The following DNAH17 variants were observed in gnomAD, a reference collection of about 807,000 sequenced individuals.
DNAH17 encodes axonemal beta dynein heavy chain 17.
A neutral mutation model predicts 485.6 loss-of-function variants in DNAH17; 376 were observed. The ratio of observed to expected loss-of-function variants is 0.77; its 90% confidence interval spans 0.71 to 0.84. The LOEUF (loss-of-function observed/expected upper bound fraction) is 0.84, where lower values mean the gene tolerates loss of function less well. Ranked by LOEUF, DNAH17 falls within the 40% of genes least tolerant of loss-of-function variation. The pLI is 0.00. For synonymous variants in DNAH17, 3,031 were observed against 2,405.9 expected, an observed-to-expected ratio of 1.26 and a Z score of -7.60; for missense variants, 6,370 against 5,839.3, an observed-to-expected ratio of 1.09 and a Z score of -2.96.
intron 18 of DNAH17, among the ~76,000 whole-genome samples, 198 bp downstream of exon 18, chr17:78,539,539 T>TC (rs1456713408): frequency 6.6e-6 from 1 of 152,168 alleles, no homozygotes; most frequent in African/African-American, 2.4e-5. Context: ...TGACCAGTGG[T>TC]CCTGAGTGCC....
At chr17:78,522,573 C>T (rs1045695266) in intron 25 of DNAH17, 7 of 286,194 alleles carry the variant, frequency 2.4e-5, no homozygotes, top group Non-Finnish European at 4.8e-5. Flanking sequence ...TGAAGCCCAA[C>T]GCAGGCAGCC....
At chr17:78,465,078 T>C (rs1192322811) in intron 56 of DNAH17, among the ~76,000 whole-genome samples, 1 of 152,202 alleles carries the variant, frequency 6.6e-6, no homozygotes, top group African/African-American at 2.4e-5. Flanking sequence ...GTGCCTGCGA[T>C]TGCAGGCTCG....
In DNAH17 at chr17:78,486,281, C is replaced by G. The variant is rs373745776; in HGVS notation, c.7044G>C (p.Glu2348Asp). 9.9e-6 allele frequency: 16 copies of G among 1,609,428 alleles called. No homozygotes were observed. The African/African-American group carries it at 2.0e-4, about 20-fold the overall frequency. The change falls in exon 45 of 81, where the codon GAG becomes GAC. Residue 2348 changes from glutamate to aspartate, a missense_variant. Coordinates refer to ENST00000389840, the MANE Select transcript of DNAH17 (RefSeq NM_173628.4). ...VPPDSPRELY[E>D]LYFVFTCFWA... ...AGAAGCAGGTGAACACGAAGTACAG[C>G]TCGTACAGCTCCCTGGGGGAGTCGG...
In DNAH17 at chr17:78,569,163, T is replaced by C; in HGVS notation, c.1284+3A>G. The C allele has an allele frequency of 1.3e-6, 2 of 1,595,118 alleles. No individual in the cohort carries two copies. The highest frequency in any genetic ancestry group is 1.7e-6 in the Non-Finnish European group (2 of 1,170,378). ...GTCAAGATGCACCGAGTTCTGTTTT[T>C]ACCTCAATGGTCTGGATGCGCTGGA... is the stretch of plus-strand genomic sequence containing the variant. On this transcript the variant is annotated splice_donor_region_variant and intron_variant, in intron 9 of 80. Coordinates refer to ENST00000389840, the MANE Select transcript of DNAH17 (RefSeq NM_173628.4).
At chr17:78,440,338 C>G (rs1052077210) in intron 72 of DNAH17, among the ~76,000 whole-genome samples, 4 of 134,744 alleles carry the variant, frequency 3.0e-5, no homozygotes, top group African/African-American at 1.1e-4. Flanking sequence ...CTCACTACAG[C>G]TTCAACCTTT....
intron 54 of DNAH17, among the ~76,000 whole-genome samples, chr17:78,472,996 G>C (rs1235691776): frequency 6.6e-6 from 1 of 152,144 alleles, no homozygotes; most frequent in African/African-American, 2.4e-5. Context: ...GTCCTCCAGG[G>C]TCCACCCTCC....
chr17:78,454,898 A>C lies in DNAH17; in HGVS notation c.10171-193T>G, dbSNP rs112160898. On this transcript the variant is annotated intron_variant, in intron 63 of 80. Coordinates refer to ENST00000389840, the MANE Select transcript of DNAH17 (RefSeq NM_173628.4). ...ACTCGGCCAGAAACGATGTCAGCAC[A>C]GCAACACCGGGCCACGTTTTTTTTT... Among the ~76,000 whole-genome samples, 682 of 151,200 alleles carry C rather than the reference A, an allele frequency of 4.5e-3. 2 individuals are homozygous for C. The highest frequency in any genetic ancestry group is 8.0e-3 in the Non-Finnish European group (545 of 67,862).
At chr17:78,498,416 G>A (rs2090153319) in intron 37 of DNAH17, among the ~76,000 whole-genome samples, 1 of 152,166 alleles carries the variant, frequency 6.6e-6, no homozygotes, top group African/African-American at 2.4e-5. Flanking sequence ...CATGCGTCAG[G>A]ATCACCTGAG....
chr17:78,453,814 A>G (rs1598474875), intron 64 of DNAH17, among the ~76,000 whole-genome samples: 1 of 152,108 alleles, frequency 6.6e-6, no homozygotes, highest in East Asian at 1.9e-4. Flanking sequence ...CAGCCTCCTG[A>G]GTAGCTGGGA....
intron 16 of DNAH17, among the ~76,000 whole-genome samples, chr17:78,545,812 A>G (rs1172569287): frequency 6.6e-6 from 1 of 152,098 alleles, no homozygotes; most frequent in Non-Finnish European, 1.5e-5. Flanking sequence ...TGGGAACACA[A>G]CATTTTAGGA....
rs187391776 is a variant in DNAH17 at position 78,445,139 on chromosome 17, G to A, written c.11335-342C>T. The stretch of plus-strand genomic sequence containing the variant: ...TTTTGAACAGACCTTGAGACTCGAG[G>A]GTCCCTGACTGTGTCCAGGAATCTG... On this transcript the variant is annotated intron_variant, in intron 70 of 80. Coordinates refer to ENST00000389840, the MANE Select transcript of DNAH17 (RefSeq NM_173628.4). Among the ~76,000 whole-genome samples, 10 of 150,024 alleles carry A rather than the reference G, an allele frequency of 6.7e-5. No homozygotes were observed. In the East Asian group the frequency reaches 1.8e-3, roughly 26 times the overall value.
chr17:78,491,716 C>G (rs2089866490), intron 42 of DNAH17, 146 bp from the exon 43 acceptor site: 2 of 1,323,682 alleles, frequency 1.5e-6, no homozygotes, highest in Non-Finnish European at 2.0e-6. Flanking sequence ...ATGAGGTGCC[C>G]AGGCTCCCTG....
chr17:78,475,430 T>G lies in DNAH17; in HGVS notation c.8359A>C (p.Asn2787His). Residue 2787 changes from asparagine to histidine, a missense_variant, in exon 54 of 81, where the codon AAT becomes CAT. By Grantham distance (68) the Asn-to-His change is moderately conservative. Coordinates refer to ENST00000389840, the MANE Select transcript of DNAH17 (RefSeq NM_173628.4). The part of the protein sequence containing the change: ...EDAVAHICRI[N>H]RILESPRGNA... Reference sequence around the variant, plus strand: ...CCCCGGGGAGACTCCAGGATGCGATTAATCCTGCAGATGTGAGCCACGGCG... The same window carrying G: ...CCCCGGGGAGACTCCAGGATGCGATGAATCCTGCAGATGTGAGCCACGGCG... 6.2e-7 allele frequency: 1 copy of G among 1,613,908 alleles called. No individual in the cohort carries two copies. Among genetic ancestry groups the G allele is most frequent in the Non-Finnish European group, 8.5e-7 (1 of 1,179,888 alleles).
intron 43 of DNAH17, 45 bp from the exon 44 acceptor site, chr17:78,490,892 C>T (rs777163419): frequency 6.5e-5 from 100 of 1,536,586 alleles, no homozygotes; most frequent in Non-Finnish European, 8.2e-5. Context: ...GCGACACCTG[C>T]CATCCCAATG....
chr17:78,566,584 G>A, intron 11 of DNAH17, 30 bp downstream of exon 11: 1 of 1,489,070 alleles, frequency 6.7e-7, no homozygotes, highest in Non-Finnish European at 9.2e-7. Flanking sequence ...CCAGGCTCCA[G>A]ATCTGCCTGC....
At chr17:78,497,251 A>T (rs1235244677) in intron 37 of DNAH17, among the ~76,000 whole-genome samples, 1 of 152,156 alleles carries the variant, frequency 6.6e-6, no homozygotes, top group East Asian at 1.9e-4. Flanking sequence ...TGCAGAAGAC[A>T]GCTGTGTCTC....
intron 57 of DNAH17, among the ~76,000 whole-genome samples, chr17:78,462,068 A>G (rs1160207486): frequency 6.6e-6 from 1 of 151,988 alleles, no homozygotes; most frequent in Non-Finnish European, 1.5e-5. Context: ...GCTACCTGGG[A>G]GGCTGAGGTG....
intron 29 of DNAH17, 91 bp downstream of exon 29, chr17:78,507,187 G>A: frequency 6.8e-7 from 1 of 1,463,364 alleles, no homozygotes; most frequent in East Asian, 2.3e-5. Flanking sequence ...GTCCTGGCCA[G>A]CAGGCTGCAC....
At chr17:78,424,552 CAT>C in intron 80 of DNAH17, 1 of 168,424 alleles carries the variant, frequency 5.9e-6, no homozygotes, top group Non-Finnish European at 1.3e-5. Flanking sequence ...TACATCTGTG[CAT>C]ATAAATATTG....
Sources: allele counts gnomAD v4.1 joint callset (sites outside exome capture counted in the v4.1 genomes callset), GRCh38; gene constraint gnomAD v4.1.1; transcripts MANE v1.5; gene names NCBI Gene and HGNC (gene_info 2026-07-23, HGNC 2026-07-21).